Variants in SNRPN observed in about 807,000 individuals in gnomAD.
The protein encoded by SNRPN is small nuclear ribonucleoprotein-associated protein N.
In SNRPN, 7 loss-of-function variants were observed where a neutral mutation model predicts 25.2. The ratio of observed to expected loss-of-function variants is 0.28; its 90% CI spans 0.16 to 0.52. The LOEUF (loss-of-function observed/expected upper bound fraction) is 0.52, where lower values mean the gene tolerates loss of function less well. Among genes scored for constraint, SNRPN ranks in the 20% least tolerant of loss-of-function variants. The pLI is 0.96. For missense variants in SNRPN, 196 were observed against 322.5 expected (o/e 0.61, Z 3.00); for synonymous variants, 124 against 110.6 (o/e 1.12, Z -0.76).
At chr15:24,947,375 A>G (rs2061949785) in intron 3 of SNRPN, among the ~76,000 whole-genome samples, 1 of 152,230 alleles carries the variant, frequency 6.6e-6, no homozygotes, top group African/African-American at 2.4e-5. Flanking sequence ...TCACGCCTGT[A>G]ATCCCAGCAC....
chr15:24,866,630 C>T (rs1324048499), intron 1 of SNRPN, among the ~76,000 whole-genome samples: 1 of 152,154 alleles, frequency 6.6e-6, no homozygotes, highest in East Asian at 1.9e-4. Context: ...CAATAGATCT[C>T]TTGAAATTAT....
intron 2 of SNRPN, among the ~76,000 whole-genome samples, chr15:24,904,070 G>C (rs1162797828): frequency 6.6e-6 from 1 of 151,028 alleles, no homozygotes; most frequent in Non-Finnish European, 1.5e-5. Flanking sequence ...GCAAGAAAAA[G>C]GAAAAAGATG....
At chr15:24,900,025 T>G (rs1595785174) in intron 2 of SNRPN, among the ~76,000 whole-genome samples, 1 of 152,168 alleles carries the variant, frequency 6.6e-6, no homozygotes, top group Non-Finnish European at 1.5e-5. Flanking sequence ...ACCTATGACA[T>G]GCAGTGGTAT....
At chr15:24,887,654 C>A (rs2057314726) in intron 2 of SNRPN, among the ~76,000 whole-genome samples, 1 of 152,046 alleles carries the variant, frequency 6.6e-6, no homozygotes, top group Non-Finnish European at 1.5e-5. Flanking sequence ...AAAAATGTAA[C>A]CGAAAATTAA....
upstream of SNRPN, among the ~76,000 whole-genome samples, chr15:24,952,747 A>G (rs1400993654): frequency 6.6e-6 from 1 of 152,160 alleles, no homozygotes; most frequent in Non-Finnish European, 1.5e-5. Context: ...AATTTTAATA[A>G]TACTTTAATT....
intron 1 of SNRPN, among the ~76,000 whole-genome samples, chr15:24,828,079 A>G (rs978444810): frequency 1.3e-5 from 2 of 152,096 alleles, no homozygotes; most frequent in African/African-American, 2.4e-5. Context: ...GAATTATAAA[A>G]TCACAAGTTT....
intron 2 of SNRPN, among the ~76,000 whole-genome samples, chr15:24,844,959 G>A (rs777713601): frequency 6.6e-6 from 1 of 151,900 alleles, no homozygotes; most frequent in African/African-American, 2.4e-5. Context: ...TTATATCTGT[G>A]GTATTTTGAA....
In SNRPN at chr15:24,827,241, G is replaced by A. The variant is rs532009386; in HGVS notation, c.-686-2557G>A. On this transcript the variant is annotated intron_variant, in intron 1 of 12. Coordinates refer to the SNRPN transcript ENST00000400100. ...TAAGAAACACTGTATGCAGCCGGGC[G>A]CGGTGGCTCACGCCTGTAATCCCAG... 1.8e-4 allele frequency among the ~76,000 whole-genome samples: 27 copies of A among 152,112 alleles called. 1 individual carries two copies. The highest frequency in any genetic ancestry group is 6.3e-4 in the African/African-American group (26 of 41,438).
In SNRPN at chr15:24,876,073, CA is replaced by C. The variant is rs1174300096; in HGVS notation, c.-578-10435del. Among the ~76,000 whole-genome samples the C allele has an allele frequency of 7.8e-3, 1,172 of 150,498 alleles. 13 individuals carry two copies. Among genetic ancestry groups the C allele is most frequent in the African/African-American group, 0.027 (1,125 of 41,042 alleles). ...TGTCTCAAAAAAAAAAGAAAAAAAA[CA>C]AAAAAAATAAAAATTTTAAAAATAA... is the stretch of plus-strand genomic sequence containing the variant. On this transcript the variant is annotated intron_variant, in intron 1 of 11. Transcript: ENST00000400097.
chr15:24,930,439 G>A (rs769703895), intron 3 of SNRPN, among the ~76,000 whole-genome samples: 10 of 151,514 alleles, frequency 6.6e-5, no homozygotes, highest in Non-Finnish European at 1.3e-4. Flanking sequence ...ATCTGTCTAG[G>A]TTCACCTATA....
intron 7 of SNRPN, among the ~76,000 whole-genome samples, chr15:24,977,395 TTGGG>T (rs202036548): frequency 0.02 from 3,104 of 152,172 alleles, 46 homozygotes; most frequent in South Asian, 0.037. Flanking sequence ...ATCCAGCACT[TTGGG>T]AGGCCGAGGT....
At chr15:24,907,915 T>TGGTGGTGGGCAC (rs1273023042) in intron 2 of SNRPN, among the ~76,000 whole-genome samples, 9 of 151,820 alleles carry the variant, frequency 5.9e-5, no homozygotes, top group African/African-American at 1.7e-4. Flanking sequence ...TAGCTGGGCA[T>TGGTGGTGGGCAC]GGTGGTGGGC....
chr15:24,838,808 G>C (rs1377884984), intron 2 of SNRPN, among the ~76,000 whole-genome samples: 1 of 151,996 alleles, frequency 6.6e-6, no homozygotes, highest in Non-Finnish European at 1.5e-5. Context: ...CGCACTACTA[G>C]AGGGTTCCTA....
intron 3 of SNRPN, among the ~76,000 whole-genome samples, chr15:24,949,906 C>G (rs1038441206): frequency 6.6e-6 from 1 of 151,652 alleles, no homozygotes; most frequent in Non-Finnish European, 1.5e-5. Context: ...TAGTTCACTG[C>G]AGCCTCAACC....
intron 1 of SNRPN, among the ~76,000 whole-genome samples, chr15:24,955,886 T>C (rs1471178448): frequency 6.6e-6 from 1 of 151,606 alleles, no homozygotes; most frequent in African/African-American, 2.4e-5. Context: ...GGCCTGTCGC[T>C]GTCCGGAGTG....
At chr15:24,965,147 T>C (rs905851604) in intron 2 of SNRPN, among the ~76,000 whole-genome samples, 1 of 152,190 alleles carries the variant, frequency 6.6e-6, no homozygotes, top group African/African-American at 2.4e-5. Flanking sequence ...CTAGAAGTGT[T>C]CAATATTTAC....
chr15:24,956,297 G>A (rs1187602842), intron 1 of SNRPN, among the ~76,000 whole-genome samples: 1 of 147,336 alleles, frequency 6.8e-6, no homozygotes, highest in Non-Finnish European at 1.5e-5. Flanking sequence ...CTGCCATTGT[G>A]CAGCTCCTTC....
intron 3 of SNRPN, among the ~76,000 whole-genome samples, chr15:24,939,403 G>A (rs2061416962): frequency 1.3e-5 from 2 of 152,136 alleles, no homozygotes; most frequent in African/African-American, 4.8e-5. Flanking sequence ...TTCTTATTAA[G>A]ACGTTTGCCC....
At chr15:24,956,580 T>G (rs568521972) in intron 1 of SNRPN, among the ~76,000 whole-genome samples, 4 of 152,220 alleles carry the variant, frequency 2.6e-5, no homozygotes, top group African/African-American at 9.6e-5. Flanking sequence ...CCGCTTGCAG[T>G]GGGGCGAGAC....
Sources: allele counts gnomAD v4.1 joint callset (sites outside exome capture counted in the v4.1 genomes callset), GRCh38; gene constraint gnomAD v4.1.1; transcripts MANE v1.5; gene names NCBI Gene and HGNC (gene_info 2026-07-23, HGNC 2026-07-21).